The following SNRPN variants were observed in gnomAD, a reference collection of about 807,000 sequenced individuals.
SNRPN encodes small nuclear ribonucleoprotein polypeptide N.
In SNRPN, 7 loss-of-function variants were observed where a neutral mutation model predicts 25.2. The ratio of observed to expected loss-of-function variants is 0.28; its 90% CI spans 0.16 to 0.52. The LOEUF is 0.52. SNRPN is among the 20% of genes least tolerant of loss of function. The pLI, the probability that SNRPN is intolerant of heterozygous loss-of-function variation, is 0.96. For synonymous variants in SNRPN, 124 were observed against 110.6 expected (o/e 1.12, Z -0.76); for missense variants, 196 against 322.5 (o/e 0.61, Z 3.00).
chr15:24,937,406 C>T (rs879600250), intron 3 of SNRPN, among the ~76,000 whole-genome samples: 1 of 152,052 alleles, frequency 6.6e-6, no homozygotes, highest in Non-Finnish European at 1.5e-5. Flanking sequence ...TGGTGATGTG[C>T]ACCTGTAGTC....
chr15:24,974,445 A>G lies in SNRPN; in HGVS notation c.-9A>G. 6.2e-7 allele frequency: 1 copy of G among 1,613,724 alleles called. No homozygotes were observed. Among genetic ancestry groups the G allele is most frequent in the Non-Finnish European group, 8.5e-7 (1 of 1,179,660 alleles). On this transcript the variant is annotated 5_prime_UTR_variant, in exon 4 of 10. Transcript: ENST00000390687. ...AACTGTGGACATTGGATTTGGTGGAACAGCAATCATGGTAAGCTGTATGAT... is the reference window on the plus strand; with the variant it reads ...AACTGTGGACATTGGATTTGGTGGAGCAGCAATCATGGTAAGCTGTATGAT...
chr15:24,882,873 T>A (rs2149772530), intron 1 of SNRPN, among the ~76,000 whole-genome samples: 1 of 150,942 alleles, frequency 6.6e-6, no homozygotes, highest in African/African-American at 2.4e-5. Context: ...ATTTAATATA[T>A]CTAATCTATT....
intron 3 of SNRPN, among the ~76,000 whole-genome samples, chr15:24,949,267 C>T (rs888813813): frequency 1.1e-4 from 17 of 152,084 alleles, no homozygotes; most frequent in African/African-American, 4.1e-4. Flanking sequence ...GGTGATCCAC[C>T]TGCCTCGGCC....
At chr15:24,835,499 T>C (rs2051084466) in intron 2 of SNRPN, among the ~76,000 whole-genome samples, 1 of 152,062 alleles carries the variant, frequency 6.6e-6, no homozygotes, top group South Asian at 2.1e-4. Flanking sequence ...TGTGGCAGTA[T>C]TGCCATTCAC....
chr15:24,953,536 TG>T (rs1221056826), upstream of SNRPN, among the ~76,000 whole-genome samples: 6 of 152,176 alleles, frequency 3.9e-5, no homozygotes, highest in Non-Finnish European at 8.8e-5. Flanking sequence ...TTGGCCAGGA[TG>T]GTCTCGATCT....
At chr15:24,884,170 A>G (rs933402600) in intron 1 of SNRPN, among the ~76,000 whole-genome samples, 2 of 148,122 alleles carry the variant, frequency 1.4e-5, no homozygotes, top group Admixed American at 1.3e-4. Context: ...AAAAAGATCT[A>G]TATACACACA....
chr15:24,868,175 A>G (rs1261677095), intron 1 of SNRPN, among the ~76,000 whole-genome samples: 3 of 152,038 alleles, frequency 2.0e-5, no homozygotes, highest in Admixed American at 2.0e-4. Context: ...GCTCATATAT[A>G]AATGCAATGA....
chr15:24,894,198 T>C (rs1595750159), intron 2 of SNRPN, among the ~76,000 whole-genome samples: 1 of 151,156 alleles, frequency 6.6e-6, no homozygotes, highest in Non-Finnish European at 1.5e-5. Context: ...CCCCATCAAG[T>C]GGAAAACCAA....
Position 24,877,201 on chromosome 15 carries a change from T to C in SNRPN, c.-578-9315T>C, listed in dbSNP as rs528217448. 5.3e-5 allele frequency among the ~76,000 whole-genome samples: 8 copies of C among 152,320 alleles called. No homozygotes were observed. In the East Asian group the frequency reaches 1.4e-3, roughly 26 times the overall value. On this transcript the variant is annotated intron_variant, in intron 1 of 11. Coordinates refer to the SNRPN transcript ENST00000400097. ...TCGTATTTTCAGATAAAATCTACTC[T>C]TCAAGTTAGACCTCCCTACGAAAGA...
chr15:24,839,135 G>A (rs1339827478), intron 2 of SNRPN, among the ~76,000 whole-genome samples: 1 of 151,980 alleles, frequency 6.6e-6, no homozygotes, highest in Non-Finnish European at 1.5e-5. Flanking sequence ...GGAGTGTAGT[G>A]TTTAGTGTTC....
chr15:24,967,352 C>G (rs541295641), intron 2 of SNRPN: 6 of 155,106 alleles, frequency 3.9e-5, no homozygotes, highest in African/African-American at 1.4e-4. Flanking sequence ...AAAGAAAGAT[C>G]TTCTTCCCTG....
At chr15:24,976,228 C>T in intron 5 of SNRPN, 77 bp from the exon 6 acceptor site, 5 of 1,115,012 alleles carry the variant, frequency 4.5e-6, no homozygotes, top group Non-Finnish European at 6.8e-6. Flanking sequence ...TTAATTGATA[C>T]TTGAGGTTGT....
intron 1 of SNRPN, among the ~76,000 whole-genome samples, chr15:24,828,887 G>A (rs950108599): frequency 2.6e-5 from 4 of 152,158 alleles, no homozygotes; most frequent in East Asian, 1.9e-4. Flanking sequence ...ATAGAGCAGC[G>A]TGGCCCAGGG....
At chr15:24,862,007 A>G (rs1240770000) in intron 1 of SNRPN, among the ~76,000 whole-genome samples, 1 of 150,966 alleles carries the variant, frequency 6.6e-6, no homozygotes, top group African/African-American at 2.5e-5. Context: ...TTTCTGTGCA[A>G]TTTGCACCAT....
chr15:24,872,091 T>A (rs2055194977), intron 1 of SNRPN, among the ~76,000 whole-genome samples: 1 of 119,078 alleles, frequency 8.4e-6, no homozygotes, highest in African/African-American at 3.0e-5. Flanking sequence ...AATTTATCTA[T>A]TTTTGCTTCT....
intron 2 of SNRPN, among the ~76,000 whole-genome samples, chr15:24,918,570 A>ATATG (rs2059731249): frequency 5.3e-5 from 3 of 56,638 alleles, no homozygotes; most frequent in Non-Finnish European, 9.8e-5. Flanking sequence ...CATAATATAT[A>ATATG]TGTATATATA....
intron 3 of SNRPN, among the ~76,000 whole-genome samples, chr15:24,936,242 T>C (rs1217549589): frequency 1.3e-5 from 2 of 152,210 alleles, no homozygotes; most frequent in Admixed American, 1.3e-4. Flanking sequence ...TGATTTTGTG[T>C]AAAACTTTGT....
chr15:24,878,488 C>A (rs1172360251), intron 1 of SNRPN, among the ~76,000 whole-genome samples: 1 of 152,348 alleles, frequency 6.6e-6, no homozygotes, highest in Middle Eastern at 3.4e-3. Context: ...CCGTGCGCCC[C>A]GAGGGTCTGT....
Position 24,956,083 on chromosome 15 carries a change from A to G in SNRPN, c.-391+1021A>G, listed in dbSNP as rs138095496. Reference sequence around the variant, plus strand: ...CGCAGGGGCTGCAGAAATGCGTGGAATCCTTGCGTACCCTTTAGGAACCCT... The same window carrying G: ...CGCAGGGGCTGCAGAAATGCGTGGAGTCCTTGCGTACCCTTTAGGAACCCT... On this transcript the variant is annotated intron_variant, in intron 1 of 9. Transcript: ENST00000390687. 3.4e-3 allele frequency among the ~76,000 whole-genome samples: 510 copies of G among 152,206 alleles called. 4 individuals carry two copies. The highest frequency in any genetic ancestry group is 0.012 in the African/African-American group (488 of 41,528).
Sources: gnomAD v4.1 joint callset for allele counts (sites outside exome capture counted in the v4.1 genomes callset) on GRCh38, gnomAD v4.1.1 for gene constraint, MANE v1.5 for transcripts, NCBI Gene and HGNC (gene_info 2026-07-23, HGNC 2026-07-21) for gene names.